TNNI3K: variants seen among roughly 807,000 people sequenced by gnomAD.
TNNI3K encodes the protein serine/threonine-protein kinase TNNI3K.
TNNI3K carries 140 observed loss-of-function variants against 114.5 expected under a neutral mutation model. The observed-to-expected ratio is 1.22, with a 90% CI of 1.07 to 1.41. TNNI3K has a LOEUF of 1.41. Among genes scored for constraint, TNNI3K ranks in the 40% most tolerant of loss-of-function variants. The probability of loss-of-function intolerance (pLI) is 0.00; values close to 1 mark genes in which losing one functional copy is unlikely to be tolerated. For synonymous variants in TNNI3K, 347 were observed against 347.5 expected, an observed-to-expected ratio of 1.00 and a Z score of 0.02; for missense variants, 1,125 against 1,007.6, an observed-to-expected ratio of 1.12 and a Z score of -1.58.
At chr1:74,337,303 C>T (rs1026346856) in intron 7 of TNNI3K, among the ~76,000 whole-genome samples, 12 of 151,244 alleles carry the variant, frequency 7.9e-5, no homozygotes, top group African/African-American at 2.4e-4. Flanking sequence ...TGTAGGTTGC[C>T]TGTTCACTCT....
chr1:74,513,966 A>T (rs1452971516), intron 23 of TNNI3K, among the ~76,000 whole-genome samples: 2 of 152,146 alleles, frequency 1.3e-5, no homozygotes, highest in East Asian at 3.9e-4. Context: ...TCTTCCAAAA[A>T]CTAATTAAGT....
intron 20 of TNNI3K, among the ~76,000 whole-genome samples, chr1:74,443,693 A>C (rs879800668): frequency 2.0e-5 from 3 of 152,200 alleles, no homozygotes; most frequent in Non-Finnish European, 4.4e-5. Context: ...AAAACCTGGC[A>C]GAGATACAAC....
chr1:74,516,810 A>G (rs1342201756), intron 23 of TNNI3K, among the ~76,000 whole-genome samples: 4 of 152,218 alleles, frequency 2.6e-5, no homozygotes, highest in African/African-American at 9.6e-5. Context: ...TAACAAGTTA[A>G]GGCAGCTTAC....
At chr1:74,488,483 T>A (rs966139826) in intron 21 of TNNI3K, among the ~76,000 whole-genome samples, 1 of 152,170 alleles carries the variant, frequency 6.6e-6, no homozygotes, top group African/African-American at 2.4e-5. Context: ...GGGTGTATAG[T>A]TTTAGGATCT....
At position 74,436,098 on chromosome 1, in the gene TNNI3K, T is replaced by A; in HGVS notation, c.1791T>A (p.Tyr597Ter). ...TTTACAGTCACAATATTCTTCTCTA[T>A]GAGGATGGGCATGCTGTGGTGGCAG... ...RDLNSHNILL[Y>*]EDGHAVVADF... The change falls in exon 18 of 25, where the codon TAT becomes TAA. Residue 597 changes from tyrosine to a stop codon, truncating the protein, a stop_gained. Coordinates refer to ENST00000326637, the MANE Select transcript of TNNI3K (RefSeq NM_015978.3). LOFTEE classifies it high-confidence loss of function. 1 of 1,607,874 alleles carries A rather than the reference T, an allele frequency of 6.2e-7. No homozygotes were observed. Among genetic ancestry groups the A allele is most frequent in the Non-Finnish European group, 8.5e-7 (1 of 1,177,974 alleles).
intron 21 of TNNI3K, among the ~76,000 whole-genome samples, chr1:74,481,198 G>A (rs906791733): frequency 1.3e-5 from 2 of 152,144 alleles, no homozygotes; most frequent in African/African-American, 4.8e-5. Context: ...ATGTTTGTTT[G>A]AGAAACATAA....
chr1:74,480,317 T>A (rs758506545), intron 21 of TNNI3K: 1 of 717,778 alleles, frequency 1.4e-6, no homozygotes, highest in Non-Finnish European at 2.6e-6. Context: ...TGGCTGGCAA[T>A]TTAGGTCCTT....
At chr1:74,472,287 T>C (rs1667975178) in intron 21 of TNNI3K, 1 of 654,430 alleles carries the variant, frequency 1.5e-6, no homozygotes, top group African/African-American at 1.8e-5. Flanking sequence ...TTATGAAAAG[T>C]ATAAAACTGA....
intron 23 of TNNI3K, among the ~76,000 whole-genome samples, chr1:74,521,368 T>G (rs1646430021): frequency 6.6e-6 from 1 of 152,150 alleles, no homozygotes; most frequent in Non-Finnish European, 1.5e-5. Context: ...AAACAAACTA[T>G]GTAAGTCACT....
chr1:74,429,590 C>T (rs1363599008), intron 17 of TNNI3K, among the ~76,000 whole-genome samples: 1 of 152,106 alleles, frequency 6.6e-6, no homozygotes, highest in Non-Finnish European at 1.5e-5. Flanking sequence ...CAAGGTAAGA[C>T]TCCCCAGAAA....
At chr1:74,419,165 C>A (rs1665276115) in intron 17 of TNNI3K, among the ~76,000 whole-genome samples, 1 of 151,962 alleles carries the variant, frequency 6.6e-6, no homozygotes, top group Admixed American at 6.6e-5. Flanking sequence ...AGGGAAAATT[C>A]TGTTCCTTTC....
At chr1:74,371,305 A>G (rs1662586773) in intron 17 of TNNI3K, 1 of 151,880 alleles carries the variant, frequency 6.6e-6, no homozygotes, top group Non-Finnish European at 1.5e-5. Flanking sequence ...TATTTTCAGC[A>G]CAGTAGAGCT....
chr1:74,300,681 C>T (rs535027116), intron 5 of TNNI3K, among the ~76,000 whole-genome samples: 20 of 152,302 alleles, frequency 1.3e-4, no homozygotes, highest in Middle Eastern at 3.4e-3. Context: ...CAGTTTGTAG[C>T]TTGTACATCT....
Position 74,544,224 on chromosome 1 carries a change from TA to T in TNNI3K, c.*251del, listed in dbSNP as rs957607713. On this transcript the variant is annotated 3_prime_UTR_variant, in exon 25 of 25. Coordinates refer to ENST00000326637, the MANE Select transcript of TNNI3K (RefSeq NM_015978.3). ...AAGAATTGTTTTTAATTTTGTAAAT[TA>T]AAAAAAAATTTAGATCGTTACTTGG... The T allele has an allele frequency of 4.5e-4, 190 of 420,752 alleles. No homozygotes were observed. The highest frequency in any genetic ancestry group is 6.2e-4 in the Middle Eastern group (1 of 1,622). 26.1% of individuals were successfully genotyped at this position (420,752 alleles called of 1,614,324 possible).
intron 11 of TNNI3K, among the ~76,000 whole-genome samples, chr1:74,357,887 A>T (rs1196963834): frequency 6.6e-6 from 1 of 152,114 alleles, no homozygotes; most frequent in Non-Finnish European, 1.5e-5. Context: ...AGCATGAATC[A>T]ATTTAAATTG....
intron 21 of TNNI3K, chr1:74,464,929 C>A: frequency 8.0e-7 from 1 of 1,252,962 alleles, no homozygotes; most frequent in Non-Finnish European, 1.0e-6. Context: ...ACCAGTATTG[C>A]CTATCAGTGC....
At chr1:74,297,612 A>G (rs1236566183) in intron 5 of TNNI3K, among the ~76,000 whole-genome samples, 1 of 151,678 alleles carries the variant, frequency 6.6e-6, no homozygotes, top group Non-Finnish European at 1.5e-5. Context: ...AGTTGTTTCC[A>G]TATCTTGACT....
At chr1:74,459,048 T>TTGTG (rs1667341489) in intron 20 of TNNI3K, among the ~76,000 whole-genome samples, 1 of 152,166 alleles carries the variant, frequency 6.6e-6, no homozygotes, top group Non-Finnish European at 1.5e-5. Flanking sequence ...CCTTGGATAA[T>TTGTG]GACCTCTACT....
intron 17 of TNNI3K, among the ~76,000 whole-genome samples, chr1:74,389,779 G>T (rs1663671443): frequency 6.6e-6 from 1 of 152,184 alleles, no homozygotes; most frequent in African/African-American, 2.4e-5. Flanking sequence ...GAAAGGGCTA[G>T]ATGTAAATTT....
Sources: allele counts gnomAD v4.1 joint callset (sites outside exome capture counted in the v4.1 genomes callset), GRCh38; gene constraint gnomAD v4.1.1; transcripts MANE v1.5; gene names NCBI Gene and HGNC (gene_info 2026-07-23, HGNC 2026-07-21).